The following EML6 variants were observed in gnomAD, a reference collection of about 807,000 sequenced individuals.
EML6 encodes the protein EMAP like 6, also known as echinoderm microtubule-associated protein-like 6.
A neutral mutation model predicts 240.1 loss-of-function variants in EML6; 154 were observed. The ratio of observed to expected loss-of-function variants is 0.64; its 90% confidence interval spans 0.56 to 0.73. The LOEUF (loss-of-function observed/expected upper bound fraction) is 0.73. Among genes scored for constraint, EML6 ranks in the 30% least tolerant of loss-of-function variants. EML6 has a pLI of 0.00. For missense variants in EML6, 2,964 were observed against 2,474.6 expected (o/e 1.20, Z -4.20); for synonymous variants, 1,148 against 899.0 (o/e 1.28, Z -4.95).
At chr2:54,966,805 G>T (rs971470163) in intron 38 of EML6, 195 bp from the exon 39 acceptor site, 3 of 426,808 alleles carry the variant, frequency 7.0e-6, no homozygotes, top group African/African-American at 6.0e-5. Flanking sequence ...AAATGGATGA[G>T]AAGAAAGATG....
chr2:54,894,927 G>A lies in EML6; in HGVS notation c.2755G>A (p.Gly919Ser). The A allele has an allele frequency of 6.4e-7, 1 of 1,550,952 alleles. No individual in the cohort carries two copies. Among genetic ancestry groups the A allele is most frequent in the Non-Finnish European group, 8.7e-7 (1 of 1,146,416 alleles). ...MYALDKGFVT[G>S]GKDGIVELWD... ...TGTGCCTTCACAGGGCTTTGTAACA[G>A]GTGGAAAGGACGGCATCGTGGAGCT... The change falls in exon 20 of 42, where the codon GGT (glycine) becomes AGT (serine). Residue 919 changes from glycine to serine, a missense_variant. Gly to Ser is a moderately conservative substitution (Grantham distance 56). Coordinates refer to ENST00000356458, the MANE Select transcript of EML6 (RefSeq NM_001039753.4).
rs894952355 is a variant in EML6 at position 54,921,976 on chromosome 2, G to T, written c.3675+5041G>T. Among the ~76,000 whole-genome samples, 8 of 152,088 alleles carry T rather than the reference G, an allele frequency of 5.3e-5. No individual in the cohort carries two copies. The East Asian group carries it at 1.5e-3, about 29-fold the overall frequency. On this transcript the variant is annotated intron_variant, in intron 26 of 41. Coordinates refer to ENST00000356458, the MANE Select transcript of EML6 (RefSeq NM_001039753.4). ...AAGACATGAAATCATACAACTCCTA[G>T]AAGAAAATATAAAGAGCTCCTTGAC...
intron 3 of EML6, 44 bp from the exon 4 acceptor site, chr2:54,816,743 C>T (rs1292167445): frequency 8.8e-6 from 12 of 1,356,650 alleles, no homozygotes; most frequent in Admixed American, 2.0e-5. Flanking sequence ...GTCAGTAAGT[C>T]TTCCCATCAC....
chr2:54,748,997 A>T (rs1036167212), intron 2 of EML6, among the ~76,000 whole-genome samples: 1 of 152,224 alleles, frequency 6.6e-6, no homozygotes, highest in Non-Finnish European at 1.5e-5. Flanking sequence ...TCTAGAGTAT[A>T]TGCGTGTTTC....
At chr2:54,935,164 G>C (rs770788192) in intron 28 of EML6, among the ~76,000 whole-genome samples, 1 of 152,148 alleles carries the variant, frequency 6.6e-6, no homozygotes, top group Non-Finnish European at 1.5e-5. Flanking sequence ...CACTCCTTTG[G>C]TTGGGTGTAC....
chr2:54,878,390 C>T (rs918518653), intron 16 of EML6, among the ~76,000 whole-genome samples: 1 of 152,150 alleles, frequency 6.6e-6, no homozygotes, highest in African/African-American at 2.4e-5. Context: ...CTTGATCACT[C>T]GTCTCCTAGC....
chr2:54,761,578 G>A (rs996458126), intron 2 of EML6, among the ~76,000 whole-genome samples: 17 of 152,038 alleles, frequency 1.1e-4, no homozygotes, highest in Non-Finnish European at 1.9e-4. Context: ...ATTGCAATTT[G>A]GTCAAAAGTG....
chr2:54,882,793 G>C (rs1162437169), intron 17 of EML6: 1 of 137,904 alleles, frequency 7.3e-6, no homozygotes, highest in African/African-American at 2.7e-5. Flanking sequence ...GGGAGGCGGA[G>C]CTTGCAGTGA....
At chr2:54,950,527 G>A (rs568686067) in intron 29 of EML6, 123 bp from the exon 30 acceptor site, 5 of 1,053,836 alleles carry the variant, frequency 4.7e-6, no homozygotes, top group Non-Finnish European at 6.8e-6. Context: ...CAGTGAGTGT[G>A]TGTTGGCGTC....
intron 9 of EML6, 36 bp downstream of exon 9, chr2:54,847,659 C>G: frequency 6.5e-7 from 1 of 1,547,286 alleles, no homozygotes; most frequent in Non-Finnish European, 8.7e-7. Flanking sequence ...TTTAGAAATG[C>G]TCTCGTGTTA....
intron 28 of EML6, among the ~76,000 whole-genome samples, chr2:54,948,456 A>T (rs1675801380): frequency 6.6e-6 from 1 of 152,184 alleles, no homozygotes; most frequent in African/African-American, 2.4e-5. Context: ...GCCATCGACA[A>T]CTTAATTCTG....
intron 9 of EML6, among the ~76,000 whole-genome samples, chr2:54,848,677 G>A (rs1230167708): frequency 6.6e-6 from 1 of 152,136 alleles, no homozygotes; most frequent in East Asian, 1.9e-4. Flanking sequence ...CAGTTTATTT[G>A]GAGTTGATGA....
At chr2:54,916,265 C>G (rs1673903890) in intron 25 of EML6, among the ~76,000 whole-genome samples, 2 of 152,184 alleles carry the variant, frequency 1.3e-5, no homozygotes, top group African/African-American at 4.8e-5. Flanking sequence ...CAGTGATTCT[C>G]AACTGAGAGC....
intron 2 of EML6, among the ~76,000 whole-genome samples, chr2:54,756,425 T>G (rs1195321944): frequency 6.6e-6 from 1 of 152,216 alleles, no homozygotes; most frequent in South Asian, 2.1e-4. Flanking sequence ...ATATTCATTC[T>G]GTTTCCTTTA....
At chr2:54,735,430 C>A (rs771486580) in intron 2 of EML6, among the ~76,000 whole-genome samples, 1 of 152,164 alleles carries the variant, frequency 6.6e-6, no homozygotes, top group Non-Finnish European at 1.5e-5. Flanking sequence ...ATACATACTT[C>A]GTGAAGATAA....
At chr2:54,793,676 A>G (rs887917489) in intron 2 of EML6, among the ~76,000 whole-genome samples, 1 of 152,138 alleles carries the variant, frequency 6.6e-6, no homozygotes, top group African/African-American at 2.4e-5. Context: ...ATGTCCCTGT[A>G]GGAAACATTG....
intron 2 of EML6, among the ~76,000 whole-genome samples, chr2:54,780,885 T>A (rs1668827823): frequency 1.3e-5 from 2 of 152,212 alleles, no homozygotes; most frequent in Admixed American, 1.3e-4. Flanking sequence ...CTCTAAGCAT[T>A]TGACATGCTA....
chr2:54,754,126 C>G (rs1435650943), intron 2 of EML6, among the ~76,000 whole-genome samples: 2 of 151,252 alleles, frequency 1.3e-5, no homozygotes, highest in African/African-American at 2.4e-5. Context: ...CAGAGCGAGA[C>G]TCCGTCTCAA....
At chr2:54,816,719 C>G in intron 3 of EML6, 68 bp from the exon 4 acceptor site, 1 of 1,200,282 alleles carries the variant, frequency 8.3e-7, no homozygotes, top group Non-Finnish European at 1.2e-6. Flanking sequence ...TAAATAGTAA[C>G]TATTTCTTAA....
Sources: allele counts gnomAD v4.1 joint callset (sites outside exome capture counted in the v4.1 genomes callset), GRCh38; gene constraint gnomAD v4.1.1; transcripts MANE v1.5; gene names NCBI Gene and HGNC (gene_info 2026-07-23, HGNC 2026-07-21).